CFAP73: variants seen among roughly 807,000 people sequenced by gnomAD.
The protein encoded by CFAP73 is cilia- and flagella-associated protein 73.
A neutral mutation model predicts 42.9 loss-of-function variants in CFAP73; 33 were observed. The observed-to-expected ratio is 0.77, with a 90% CI of 0.58 to 1.03. CFAP73 has a LOEUF of 1.03. Ranked by LOEUF, CFAP73 falls within the 50% of genes least tolerant of loss-of-function variation. CFAP73 has a pLI of 0.00. For missense variants in CFAP73, 392 were observed against 411.9 expected (o/e 0.95, Z 0.42); for synonymous variants, 162 against 186.8 (o/e 0.87, Z 1.08).
chr12:113,158,563 G>C lies in CFAP73; in HGVS notation c.*12-138G>C. On this transcript the variant is annotated intron_variant, in intron 7 of 7. Transcript: ENST00000335621. The surrounding 1 kb of genome is among the most constrained non-coding windows in gnomAD (Gnocchi z 4.9). ...CCCTGAGGCACTCAGGGCTCTGACC[G>C]GTGCAGCCATGACCTCTGAACCCAG... The C allele has an allele frequency of 3.3e-6, 1 of 307,134 alleles. No individual in the cohort carries two copies. Among genetic ancestry groups the C allele is most frequent in the Non-Finnish European group, 5.9e-6 (1 of 168,328 alleles). 19.0% of individuals were successfully genotyped at this position (307,134 alleles called of 1,614,324 possible). A position where few individuals can be genotyped will look rare whatever the true frequency, so the allele number is the denominator to read the frequency against.
intron 1 of CFAP73, among the ~76,000 whole-genome samples, chr12:113,151,464 CAG>C (rs2136304683): frequency 6.6e-6 from 1 of 152,142 alleles, no homozygotes; most frequent in South Asian, 2.1e-4. Flanking sequence ...ACCTGAATGA[CAG>C]AGCAAGACTC....
chr12:113,157,686 C>A lies in CFAP73; in HGVS notation c.*7C>A. On this transcript the variant is annotated 3_prime_UTR_variant, in exon 7 of 8. Transcript: ENST00000335621. Reference sequence around the variant, plus strand: ...TGCAGCCCCTGCCTCCTAGCCCTGACACAGGTGAGCAGCGGGAGAGGGAAC... The same window carrying A: ...TGCAGCCCCTGCCTCCTAGCCCTGAAACAGGTGAGCAGCGGGAGAGGGAAC... 6.4e-7 allele frequency: 1 copy of A among 1,550,944 alleles called. No homozygotes were observed. The highest frequency in any genetic ancestry group is 1.2e-5 in the South Asian group (1 of 84,060).
intron 3 of CFAP73, 138 bp from the exon 4 acceptor site, chr12:113,153,070 G>A (rs2136305674): frequency 1.0e-6 from 1 of 1,003,708 alleles, no homozygotes; most frequent in Non-Finnish European, 1.4e-6. Flanking sequence ...GGGGGAGTTG[G>A]GTGAAGAGCC....
intron 1 of CFAP73, among the ~76,000 whole-genome samples, chr12:113,151,340 G>A (rs145526023): frequency 0.025 from 3,767 of 152,242 alleles, 100 homozygotes; most frequent in African/African-American, 0.066. Flanking sequence ...AAATTAGCTG[G>A]GCATGGTGGC....
intron 1 of CFAP73, among the ~76,000 whole-genome samples, chr12:113,150,637 C>T (rs1952053378): frequency 6.6e-6 from 1 of 152,134 alleles, no homozygotes; most frequent in Admixed American, 6.6e-5. Context: ...TCTGGAATAT[C>T]CCGTGGCCCC....
Position 113,153,405 on chromosome 12 carries a change from C to T in CFAP73, c.465C>T (p.Pro155=). Residue 155 remains proline (P), a synonymous_variant, in exon 4 of 8, where the codon CCC becomes CCT. Coordinates refer to ENST00000335621, the MANE Select transcript of CFAP73 (RefSeq NM_001144872.3). ...RLLEQALELL[P]GFQEVPELVA... ...TGGAGCAAGCGCTGGAGCTGCTGCC[C>T]GGGGTGAGTCCGGGGCAGGAGGCTG... The T allele has an allele frequency of 7.0e-7, 1 of 1,432,090 alleles. No homozygotes were observed. The highest frequency in any genetic ancestry group is 9.1e-7 in the Non-Finnish European group (1 of 1,099,168). The allele number at this position is 1,432,090 out of a possible 1,614,324, so 88.7% of individuals were successfully genotyped here.
intron 2 of CFAP73, among the ~76,000 whole-genome samples, chr12:113,152,371 G>A (rs1355147747): frequency 2.6e-4 from 40 of 152,230 alleles, no homozygotes; most frequent in Admixed American, 2.6e-3. Flanking sequence ...CCCCATGGGG[G>A]TGGTCAAGGA....
Position 113,155,284 on chromosome 12 carries a change from AAC to A in CFAP73, c.719_720del (p.Thr240SerfsTer62). On this transcript the variant is annotated frameshift_variant, in exon 6 of 8. Transcript: ENST00000335621. LOFTEE classifies it high-confidence loss of function. The part of the protein sequence containing the change: ...QWESKWIQIQ[N>X]TAAEKTLLLG... ...GGAATCCAAGTGGATTCAGATTCAG[AAC>A]ACAGCAGCGGAGAAGACTCTGCTCC... The A allele has an allele frequency of 6.5e-7, 1 of 1,545,934 alleles. No individual in the cohort carries two copies. Among genetic ancestry groups the A allele is most frequent in the Non-Finnish European group, 8.8e-7 (1 of 1,142,542 alleles).
intron 1 of CFAP73, among the ~76,000 whole-genome samples, chr12:113,150,786 C>T (rs1422561249): frequency 6.6e-6 from 1 of 152,154 alleles, no homozygotes; most frequent in Non-Finnish European, 1.5e-5. Flanking sequence ...TGGCCCACCG[C>T]AGTTGGATTC....
Position 113,158,527 on chromosome 12 carries a change from C to T in CFAP73, c.*12-174C>T. The T allele has an allele frequency of 4.5e-6, 1 of 224,086 alleles. No individual in the cohort carries two copies. The highest frequency in any genetic ancestry group is 8.6e-6 in the Non-Finnish European group (1 of 115,858). The allele number at this position is 224,086 out of a possible 1,614,324, so 13.9% of individuals were successfully genotyped here. A position where few individuals can be genotyped will look rare whatever the true frequency, so the allele number is the denominator to read the frequency against. On this transcript the variant is annotated intron_variant, in intron 7 of 7. Coordinates refer to ENST00000335621, the MANE Select transcript of CFAP73 (RefSeq NM_001144872.3). This position sits in a 1 kb window ranked among gnomAD's most constrained non-coding sequence, Gnocchi z 4.9. ...ATAAAGATTTATTACATTAAAAATT[C>T]CATTGCCAAACCCTGAGGCACTCAG...
At position 113,154,448 on chromosome 12, in the gene CFAP73, A is replaced by G; in HGVS notation, c.503A>G (p.Asp168Gly). 1 of 1,547,088 alleles carries G rather than the reference A, an allele frequency of 6.5e-7. No individual in the cohort carries two copies. Among genetic ancestry groups the G allele is most frequent in the Non-Finnish European group, 8.7e-7 (1 of 1,145,750 alleles). The change falls in exon 5 of 8, where the codon GAC (aspartate) becomes GGC (glycine). Residue 168 changes from aspartate to glycine, a missense_variant. Transcript: ENST00000335621. The surrounding 1 kb of genome is among the most constrained non-coding windows in gnomAD (Gnocchi z 4.7). ...QEVPELVARF[D>G]GLAETQAALR... ...GTTCCGGAGCTGGTGGCGCGCTTCG[A>G]CGGCCTGGCCGAGACGCAGGCGGCG...
intron 6 of CFAP73, 121 bp downstream of exon 6, chr12:113,155,539 G>C: frequency 9.0e-7 from 1 of 1,108,798 alleles, no homozygotes; most frequent in Non-Finnish European, 1.2e-6. Context: ...TACGGTCAGA[G>C]CCCTTGCCCC....
Position 113,149,904 on chromosome 12 carries a change from A to C in CFAP73, c.47A>C (p.Lys16Thr), listed in dbSNP as rs1425353906. ...TATTTCCGACTGGCTTTGCAAGAGA[A>C]ACTGTCTACGTGAGTGGGACGTAGA... ...EEYFRLALQE[K>T]LSTKLPEQAE... Residue 16 changes from lysine (K) to threonine (T), a missense_variant, in exon 1 of 8, where the codon AAA (lysine) becomes ACA (threonine). Physicochemically the swap from Lys to Thr is moderately conservative, Grantham distance 78 (BLOSUM62 -1). Transcript: ENST00000335621. 3.9e-6 allele frequency: 6 copies of C among 1,551,614 alleles called. No individual in the cohort carries two copies. Among genetic ancestry groups the C allele is most frequent in the Admixed American group, 2.0e-5 (1 of 50,998 alleles).
chr12:113,152,032 C>T lies in CFAP73; in HGVS notation c.162+9C>T. The stretch of plus-strand genomic sequence containing the variant: ...TGCAGGCCCAGAAGGAGGTGAGCCC[C>T]CACTACTGTAACGAGGTGGTGAGCT... On this transcript the variant is annotated intron_variant, in intron 2 of 7. Transcript: ENST00000335621. 1 of 1,544,760 alleles carries T rather than the reference C, an allele frequency of 6.5e-7. No individual in the cohort carries two copies. Among genetic ancestry groups the T allele is most frequent in the Non-Finnish European group, 8.8e-7 (1 of 1,141,128 alleles).
rs1340964731 is a variant in CFAP73 at position 113,157,656 on chromosome 12, G to A, written c.904G>A (p.Glu302Lys). The A allele has an allele frequency of 2.6e-6, 4 of 1,551,618 alleles. No individual in the cohort carries two copies. The South Asian group carries it at 4.8e-5, about 18-fold the overall frequency. ...CATGCTGGCCGGCCTGGGTCAGGCTGAGCCTGCAGCCCCTGCCTCCTAGCC... is the reference window on the plus strand; with the variant it reads ...CATGCTGGCCGGCCTGGGTCAGGCTAAGCCTGCAGCCCCTGCCTCCTAGCC... ...SAMLAGLGQAEPAAPAS is the reference protein window; with the variant it reads ...SAMLAGLGQAKPAAPAS The change falls in exon 7 of 8, where the codon GAG (glutamate) becomes AAG (lysine). Residue 302 changes from glutamate (E) to lysine (K), a missense_variant. Physicochemically the swap from Glu to Lys is moderately conservative, Grantham distance 56. Transcript: ENST00000335621.
rs1201339484 is a variant in CFAP73, at chr12:113,155,264, C to A, written c.695C>A (p.Ser232Tyr). Residue 232 changes from serine (S) to tyrosine (Y), a missense_variant, in exon 6 of 8, where the codon TCC becomes TAC. Transcript: ENST00000335621. Reference protein sequence around the residue: ...AARERTLQWESKWIQIQNTAA... With the variant: ...AARERTLQWEYKWIQIQNTAA... ...AGTGGGGCGGGTGTTCTCCAGGAATCCAAGTGGATTCAGATTCAGAACACA... is the reference window on the plus strand; with the variant it reads ...AGTGGGGCGGGTGTTCTCCAGGAATACAAGTGGATTCAGATTCAGAACACA... The A allele has an allele frequency of 5.9e-6, 9 of 1,530,184 alleles. No homozygotes were observed. The highest frequency in any genetic ancestry group is 8.0e-6 in the Non-Finnish European group (9 of 1,130,334). 94.8% of individuals were successfully genotyped at this position (1,530,184 alleles called of 1,614,324 possible). A position where few individuals can be genotyped will look rare whatever the true frequency, so the allele number is the denominator to read the frequency against.
In CFAP73 at chr12:113,155,792, A is replaced by G. The variant is rs181073613; in HGVS notation, c.849+374A>G. 5.8e-3 allele frequency among the ~76,000 whole-genome samples: 889 copies of G among 152,296 alleles called. 7 individuals carry two copies. The highest frequency in any genetic ancestry group is 0.02 in the African/African-American group (826 of 41,556). On this transcript the variant is annotated intron_variant, in intron 6 of 7. Coordinates refer to ENST00000335621, the MANE Select transcript of CFAP73 (RefSeq NM_001144872.3). ...CCACACGTGTCAACACCTGTAAAAA[A>G]TCATGAGGTCCAGACTCGCTCTTCA...
At chr12:113,152,045 G>A (rs1054244696) in intron 2 of CFAP73, 22 bp downstream of exon 2, 12 of 1,518,346 alleles carry the variant, frequency 7.9e-6, no homozygotes, top group Admixed American at 2.0e-5. Context: ...CTACTGTAAC[G>A]AGGTGGTGAG....
chr12:113,153,005 C>A, intron 3 of CFAP73, 118 bp downstream of exon 3: 1 of 811,578 alleles, frequency 1.2e-6, no homozygotes, highest in Non-Finnish European at 1.9e-6. Flanking sequence ...AAGGAAACGG[C>A]GGGAAACACA....
Sources: allele counts gnomAD v4.1 joint callset (sites outside exome capture counted in the v4.1 genomes callset), GRCh38; gene constraint gnomAD v4.1.1; non-coding constraint Gnocchi (gnomAD v3.1); transcripts MANE v1.5; gene names NCBI Gene and HGNC (gene_info 2026-07-23, HGNC 2026-07-21).